TMEM132C: variants seen among roughly 807,000 people sequenced by gnomAD.
The protein encoded by TMEM132C is protein phosphatase 1, regulatory subunit 152.
TMEM132C carries 29 observed loss-of-function variants against 61.4 expected under a neutral mutation model. The observed-to-expected ratio is 0.47, with a 90% CI of 0.35 to 0.64. The LOEUF is 0.64. TMEM132C is among the 30% of genes least tolerant of loss of function. The pLI, the probability that TMEM132C is intolerant of heterozygous loss-of-function variation, is 0.00. For missense variants in TMEM132C, 1,408 were observed against 1,476.9 expected (o/e 0.95, Z 0.76); for synonymous variants, 656 against 633.1 (o/e 1.04, Z -0.54).
rs144796843 is a variant in TMEM132C, at chr12:128,636,444, C to T, written c.1305+20109C>T. Among the ~76,000 whole-genome samples the T allele has an allele frequency of 2.0e-5, 3 of 152,274 alleles. No homozygotes were observed. The East Asian group carries it at 5.8e-4, about 29-fold the overall frequency. The stretch of plus-strand genomic sequence containing the variant: ...ATGTACACAATTTCATCAATTTGGA[C>T]ATGCACATCTACCTGTGAAATGGTC... On this transcript the variant is annotated intron_variant, in intron 4 of 8. Coordinates refer to ENST00000435159, the MANE Select transcript of TMEM132C (RefSeq NM_001136103.3).
At chr12:128,434,960 G>T (rs1372225289) in intron 2 of TMEM132C, among the ~76,000 whole-genome samples, 1 of 152,064 alleles carries the variant, frequency 6.6e-6, no homozygotes, top group African/African-American at 2.4e-5. Flanking sequence ...TAGGTATTAT[G>T]GGTTGAATTG....
intron 2 of TMEM132C, among the ~76,000 whole-genome samples, chr12:128,520,288 A>G (rs1395496719): frequency 6.6e-6 from 1 of 152,118 alleles, no homozygotes; most frequent in East Asian, 1.9e-4. Flanking sequence ...ATGTCTACCA[A>G]CGTTTTCTTC....
chr12:128,693,383 G>A (rs911249448), intron 5 of TMEM132C, among the ~76,000 whole-genome samples: 52 of 152,194 alleles, frequency 3.4e-4, no homozygotes, highest in African/African-American at 1.3e-3. Context: ...CTGCAGTTCT[G>A]TACAAGTTCA....
At chr12:128,281,067 G>T (rs972395293) in intron 1 of TMEM132C, among the ~76,000 whole-genome samples, 1 of 152,202 alleles carries the variant, frequency 6.6e-6, no homozygotes, top group African/African-American at 2.4e-5. Flanking sequence ...ATGCAAGCAA[G>T]TAGTATCTCT....
At chr12:128,304,342 C>T (rs1448233637) in intron 1 of TMEM132C, among the ~76,000 whole-genome samples, 1 of 149,754 alleles carries the variant, frequency 6.7e-6, no homozygotes, top group African/African-American at 2.5e-5. Flanking sequence ...TCAGGCTGGG[C>T]GTGGTGGCTC....
intron 3 of TMEM132C, among the ~76,000 whole-genome samples, chr12:128,581,223 C>T (rs951397399): frequency 6.6e-6 from 1 of 151,586 alleles, no homozygotes; most frequent in South Asian, 2.1e-4. Flanking sequence ...CAGACCATAT[C>T]AAAACGCTGT....
Position 128,327,117 on chromosome 12 carries a change from G to C in TMEM132C, c.85+59630G>C, listed in dbSNP as rs762091801. 9.3e-5 allele frequency among the ~76,000 whole-genome samples: 14 copies of C among 150,082 alleles called. 1 individual carries two copies. Among genetic ancestry groups the C allele is most frequent in the Non-Finnish European group, 1.6e-4 (11 of 68,032 alleles). ...ATCATTTACCAGACCCAGATGGAGTGATTTTAATGGGGCAGGCAGCCCCTG... is the reference window on the plus strand; with the variant it reads ...ATCATTTACCAGACCCAGATGGAGTCATTTTAATGGGGCAGGCAGCCCCTG... On this transcript the variant is annotated intron_variant, in intron 1 of 8. Transcript: ENST00000435159.
At chr12:128,350,187 T>C (rs955320671) in intron 1 of TMEM132C, among the ~76,000 whole-genome samples, 4 of 152,250 alleles carry the variant, frequency 2.6e-5, no homozygotes, top group Non-Finnish European at 4.4e-5. Context: ...CAACTAATGT[T>C]GATGAAACGT....
At chr12:128,693,745 C>A (rs1954736335) in intron 5 of TMEM132C, 84 bp from the exon 6 acceptor site, 18 of 1,446,776 alleles carry the variant, frequency 1.2e-5, no homozygotes, top group Non-Finnish European at 1.6e-5. Context: ...TTGTGCTTTG[C>A]AAGATAATAG....
intron 1 of TMEM132C, among the ~76,000 whole-genome samples, chr12:128,372,365 T>C (rs563196208): frequency 6.6e-6 from 1 of 152,320 alleles, no homozygotes; most frequent in East Asian, 1.9e-4. Context: ...TATTCTGACT[T>C]ACATCTACAA....
At chr12:128,599,785 G>T (rs1304569267) in intron 3 of TMEM132C, among the ~76,000 whole-genome samples, 1 of 152,156 alleles carries the variant, frequency 6.6e-6, no homozygotes, top group Non-Finnish European at 1.5e-5. Flanking sequence ...TCCAGAATGA[G>T]TATAATACAG....
intron 1 of TMEM132C, among the ~76,000 whole-genome samples, chr12:128,387,571 G>C (rs540576701): frequency 6.6e-6 from 1 of 152,322 alleles, no homozygotes; most frequent in South Asian, 2.1e-4. Flanking sequence ...TAGCACTTTG[G>C]GAGGCCGAGG....
chr12:128,385,443 C>T (rs78598564), intron 1 of TMEM132C, among the ~76,000 whole-genome samples: 2 of 114,940 alleles, frequency 1.7e-5, no homozygotes, highest in East Asian at 3.0e-4. Flanking sequence ...TGCAAAGATT[C>T]GAGACATAAA....
intron 3 of TMEM132C, among the ~76,000 whole-genome samples, chr12:128,546,836 A>G (rs1289932079): frequency 6.6e-6 from 1 of 152,198 alleles, no homozygotes; most frequent in Non-Finnish European, 1.5e-5. Context: ...ACATCTGCAA[A>G]GTCCCTTTGC....
At chr12:128,539,984 T>C (rs182277326) in intron 2 of TMEM132C, among the ~76,000 whole-genome samples, 1 of 152,298 alleles carries the variant, frequency 6.6e-6, no homozygotes, top group Admixed American at 6.5e-5. Context: ...TCTCTGTTTC[T>C]TTTTTCTGTT....
At chr12:128,455,583 A>G (rs1383192313) in intron 2 of TMEM132C, among the ~76,000 whole-genome samples, 2 of 152,204 alleles carry the variant, frequency 1.3e-5, no homozygotes, top group African/African-American at 4.8e-5. Context: ...CCTTACTCCC[A>G]TTGCTGGGGA....
At position 128,517,113 on chromosome 12, in the gene TMEM132C, C is replaced by T. The variant is rs906043632; in HGVS notation, c.975-26844C>T. On this transcript the variant is annotated intron_variant, in intron 2 of 8. Coordinates refer to ENST00000435159, the MANE Select transcript of TMEM132C (RefSeq NM_001136103.3). The stretch of plus-strand genomic sequence containing the variant: ...AGGTGTGGTGGCGTGTGCCTGTAAT[C>T]GCAGCTACTCATGAGTCTGGGGCAG... Among the ~76,000 whole-genome samples the T allele has an allele frequency of 1.6e-4, 24 of 151,612 alleles. 1 individual carries two copies. The South Asian group carries it at 2.5e-3, about 16-fold the overall frequency.
chr12:128,622,747 GA>G (rs1387439326), intron 4 of TMEM132C, among the ~76,000 whole-genome samples: 1 of 152,030 alleles, frequency 6.6e-6, no homozygotes, highest in African/African-American at 2.4e-5. Flanking sequence ...GGATGTGGGG[GA>G]GATCTCCTTT....
At chr12:128,608,205 T>C (rs1178835906) in intron 3 of TMEM132C, among the ~76,000 whole-genome samples, 1 of 152,006 alleles carries the variant, frequency 6.6e-6, no homozygotes, top group Non-Finnish European at 1.5e-5. Context: ...GTCGCTACCA[T>C]ATGCATTAAG....
Sources: gnomAD v4.1 joint callset for allele counts (sites outside exome capture counted in the v4.1 genomes callset) on GRCh38, gnomAD v4.1.1 for gene constraint, MANE v1.5 for transcripts, NCBI Gene and HGNC (gene_info 2026-07-23, HGNC 2026-07-21) for gene names.